RORA: variants seen among roughly 807,000 people sequenced by gnomAD.
RORA encodes the protein RAR related orphan receptor A.
RORA carries 7 observed loss-of-function variants against 69.5 expected under a neutral mutation model. That is an observed-to-expected ratio of 0.10 (90% confidence interval 0.06 to 0.19). RORA has a LOEUF of 0.19. RORA is among the 10% of genes least tolerant of loss of function. RORA has a pLI of 1.00. For synonymous variants in RORA, 261 were observed against 240.8 expected, an observed-to-expected ratio of 1.08 and a Z score of -0.78; for missense variants, 457 against 663.0, an observed-to-expected ratio of 0.69 and a Z score of 3.41.
At chr15:60,736,870 C>T (rs550190889) in intron 1 of RORA, 1 of 152,306 alleles carries the variant, frequency 6.6e-6, no homozygotes, top group South Asian at 2.1e-4. Context: ...TAAATAGATA[C>T]ACCTTGGCTA....
intron 2 of RORA, among the ~76,000 whole-genome samples, chr15:60,539,967 TTCTC>T (rs1251568402): frequency 1.3e-5 from 2 of 152,206 alleles, no homozygotes; most frequent in African/African-American, 4.8e-5. Context: ...AAAGTCCTCT[TTCTC>T]TAGAATCTCT....
At chr15:60,665,251 G>A (rs1409093968) in intron 2 of RORA, among the ~76,000 whole-genome samples, 1 of 152,156 alleles carries the variant, frequency 6.6e-6, no homozygotes, top group African/African-American at 2.4e-5. Flanking sequence ...TCCCTTGATA[G>A]GATACACCCT....
intron 3 of RORA, among the ~76,000 whole-genome samples, chr15:60,525,361 T>G (rs1356396365): frequency 1.3e-5 from 2 of 152,186 alleles, no homozygotes; most frequent in Non-Finnish European, 2.9e-5. Context: ...TTCTGAGTTG[T>G]CCCCTCCTGT....
intron 1 of RORA, among the ~76,000 whole-genome samples, chr15:61,051,156 G>A (rs758028120): frequency 6.6e-6 from 1 of 152,348 alleles, no homozygotes; most frequent in East Asian, 1.9e-4. Flanking sequence ...TCTGAGCAGG[G>A]TGTGGAAGGA....
At chr15:61,050,916 A>G (rs546152647) in intron 1 of RORA, among the ~76,000 whole-genome samples, 93 of 152,354 alleles carry the variant, frequency 6.1e-4, no homozygotes, top group African/African-American at 2.1e-3. Flanking sequence ...ACAAGAGCCA[A>G]AACAAGTCTG....
At chr15:60,649,570 G>A (rs1277289146) in intron 2 of RORA, among the ~76,000 whole-genome samples, 1 of 152,096 alleles carries the variant, frequency 6.6e-6, no homozygotes. Context: ...GTAGTTTAAC[G>A]GTGTTGAAAC....
At chr15:61,193,815 G>A (rs933318283) in intron 1 of RORA, among the ~76,000 whole-genome samples, 1 of 152,198 alleles carries the variant, frequency 6.6e-6, no homozygotes, top group African/African-American at 2.4e-5. Flanking sequence ...AGTGTCAAGT[G>A]TCACCAGTCC....
At chr15:60,976,528 G>A (rs576493616) in intron 1 of RORA, among the ~76,000 whole-genome samples, 3 of 152,128 alleles carry the variant, frequency 2.0e-5, no homozygotes, top group South Asian at 4.2e-4. Flanking sequence ...CATCAGCGGC[G>A]ACATTTCAAT....
intron 3 of RORA, among the ~76,000 whole-genome samples, chr15:60,517,115 T>TC (rs2065988996): frequency 2.0e-5 from 3 of 148,900 alleles, no homozygotes; most frequent in Admixed American, 2.0e-4. Context: ...CTGTGCTTTT[T>TC]TTTTTTTTCC....
At chr15:61,215,401 T>C (rs2080031604) in intron 1 of RORA, among the ~76,000 whole-genome samples, 1 of 152,194 alleles carries the variant, frequency 6.6e-6, no homozygotes, top group African/African-American at 2.4e-5. Flanking sequence ...AATACTTCTT[T>C]CCAAAACTTG....
intron 2 of RORA, among the ~76,000 whole-genome samples, chr15:60,642,473 C>A (rs1386047546): frequency 1.3e-5 from 2 of 152,164 alleles, no homozygotes; most frequent in African/African-American, 4.8e-5. Context: ...ATATAATGAG[C>A]AGCTGCCTTT....
At chr15:60,561,113 G>A (rs1365189851) in intron 2 of RORA, among the ~76,000 whole-genome samples, 60 of 134,000 alleles carry the variant, frequency 4.5e-4, no homozygotes, top group African/African-American at 1.8e-3. Flanking sequence ...ACGGAGTCTC[G>A]CTCTGTCGCC....
intron 1 of RORA, among the ~76,000 whole-genome samples, chr15:60,908,305 T>A (rs193276889): frequency 6.6e-6 from 1 of 152,344 alleles, no homozygotes; most frequent in African/African-American, 2.4e-5. Flanking sequence ...CATTTAAATA[T>A]GTTTTCCCTT....
At chr15:61,046,252 T>C (rs1897015987) in intron 1 of RORA, among the ~76,000 whole-genome samples, 1 of 152,216 alleles carries the variant, frequency 6.6e-6, no homozygotes, top group African/African-American at 2.4e-5. Context: ...AAGAGGAATC[T>C]ACGTCTGGCT....
rs1456602556 is a variant in RORA, at chr15:60,615,669, T to G, written c.196+62988A>C. ...CCAGCCTAGCTCATAAGGAAGTTGT[T>G]TATGTTTTCTGTTTGCCAAAAAACC... On this transcript the variant is annotated intron_variant, in intron 2 of 10. Transcript: ENST00000335670. Among the ~76,000 whole-genome samples, 3 of 152,236 alleles carry G rather than the reference T, an allele frequency of 2.0e-5. No homozygotes were observed. The East Asian group carries it at 5.8e-4, about 29-fold the overall frequency.
intron 2 of RORA, among the ~76,000 whole-genome samples, chr15:60,655,724 A>G (rs1365504970): frequency 6.6e-6 from 1 of 152,120 alleles, no homozygotes; most frequent in Non-Finnish European, 1.5e-5. Context: ...TACCTGCTGA[A>G]GAAGGGCAAA....
chr15:60,891,054 G>T (rs182701829), intron 1 of RORA, among the ~76,000 whole-genome samples: 7 of 152,284 alleles, frequency 4.6e-5, no homozygotes, highest in African/African-American at 1.7e-4. Flanking sequence ...TTCAAAACAG[G>T]GGGGAGATGT....
intron 4 of RORA, among the ~76,000 whole-genome samples, chr15:60,514,154 A>G (rs1037233364): frequency 6.6e-6 from 1 of 152,236 alleles, no homozygotes; most frequent in East Asian, 1.9e-4. Flanking sequence ...TGGCTTTGGC[A>G]TGTGATTCAA....
At chr15:60,721,815 T>G (rs1012189418) in intron 1 of RORA, among the ~76,000 whole-genome samples, 1 of 152,258 alleles carries the variant, frequency 6.6e-6, no homozygotes, top group African/African-American at 2.4e-5. Context: ...CAAAGATTAT[T>G]TCTGCAGAGG....
Sources: allele counts gnomAD v4.1 joint callset (sites outside exome capture counted in the v4.1 genomes callset), GRCh38; gene constraint gnomAD v4.1.1; transcripts MANE v1.5; gene names NCBI Gene and HGNC (gene_info 2026-07-23, HGNC 2026-07-21).